Variants in LRRTM4 observed in about 807,000 individuals in gnomAD.
LRRTM4 encodes leucine rich repeat transmembrane neuronal 4.
Under a neutral mutation model 47.6 loss-of-function variants are expected in LRRTM4, and 25 were observed. The observed-to-expected ratio is 0.53, with a 90% CI of 0.38 to 0.73. LRRTM4 has a LOEUF of 0.73. LRRTM4 is among the 30% of genes least tolerant of loss of function. The pLI is 0.00. For synonymous variants in LRRTM4, 311 were observed against 269.5 expected, an observed-to-expected ratio of 1.15 and a Z score of -1.51; for missense variants, 638 against 713.4, an observed-to-expected ratio of 0.89 and a Z score of 1.20.
At position 76,956,932 on chromosome 2, in the gene LRRTM4, A is replaced by G. The variant is rs537947566; in HGVS notation, c.1552-208016T>C. Among the ~76,000 whole-genome samples the G allele has an allele frequency of 2.6e-5, 4 of 151,728 alleles. No homozygotes were observed. In the South Asian group the frequency reaches 8.3e-4, roughly 31 times the overall value. ...GACTTATAACTAGTAAGAAAGTTGA[A>G]TAAGTGATCAAAAACTTCCCAAAAA... is the stretch of plus-strand genomic sequence containing the variant. On this transcript the variant is annotated intron_variant, in intron 3 of 3. Coordinates refer to ENST00000409884, the MANE Select transcript of LRRTM4 (RefSeq NM_001134745.3).
chr2:77,427,565 C>T lies in LRRTM4; in HGVS notation c.1551+90753G>A, dbSNP rs563939936. 3.9e-5 allele frequency among the ~76,000 whole-genome samples: 6 copies of T among 152,192 alleles called. No individual in the cohort carries two copies. The South Asian group carries it at 8.3e-4, about 21-fold the overall frequency. The stretch of plus-strand genomic sequence containing the variant: ...ACTCTCATTTATTGATAGTTTGAAA[C>T]CAAGTTTTAGAGCAATATGAGTTTT... On this transcript the variant is annotated intron_variant, in intron 3 of 3. Transcript: ENST00000409884.
rs192749590 is a variant in LRRTM4 at position 77,302,523 on chromosome 2, T to G, written c.1551+215795A>C. On this transcript the variant is annotated intron_variant, in intron 3 of 3. Transcript: ENST00000409884. The stretch of plus-strand genomic sequence containing the variant: ...CACAGGGTTGCAAGTAAAAATATGC[T>G]TTAGCAGTGTTGTTTTGATAATTAA... 3.8e-3 allele frequency among the ~76,000 whole-genome samples: 584 copies of G among 152,324 alleles called. 1 individual carries two copies. Among genetic ancestry groups the G allele is most frequent in the African/African-American group, 0.013 (539 of 41,568 alleles).
At chr2:77,205,232 T>A (rs919541312) in intron 3 of LRRTM4, among the ~76,000 whole-genome samples, 1 of 152,220 alleles carries the variant, frequency 6.6e-6, no homozygotes, top group Non-Finnish European at 1.5e-5. Context: ...TTTTTAGTTT[T>A]GTTTTGTTTT....
intron 3 of LRRTM4, among the ~76,000 whole-genome samples, chr2:77,387,100 A>G (rs1424760113): frequency 2.0e-5 from 3 of 152,084 alleles, no homozygotes; most frequent in Non-Finnish European, 4.4e-5. Context: ...TACTTTCCCT[A>G]CCTATGCAAT....
intron 3 of LRRTM4, among the ~76,000 whole-genome samples, chr2:76,795,224 G>T (rs1558658047): frequency 7.0e-6 from 1 of 143,356 alleles, no homozygotes; most frequent in Non-Finnish European, 1.5e-5. Context: ...TTAAATTAAT[G>T]AAAAGTGTGT....
intron 3 of LRRTM4, among the ~76,000 whole-genome samples, chr2:76,885,365 A>G (rs1673040460): frequency 6.6e-6 from 1 of 151,916 alleles, no homozygotes; most frequent in African/African-American, 2.4e-5. Flanking sequence ...GCCTGCTAGC[A>G]TGTGCTCAAT....
At chr2:76,904,400 C>T (rs1013221696) in intron 3 of LRRTM4, among the ~76,000 whole-genome samples, 1 of 152,168 alleles carries the variant, frequency 6.6e-6, no homozygotes, top group African/African-American at 2.4e-5. Flanking sequence ...ATCCTTCCGA[C>T]TTGCTGGGGC....
chr2:76,769,115 T>C (rs1383253560), intron 3 of LRRTM4, among the ~76,000 whole-genome samples: 5 of 152,172 alleles, frequency 3.3e-5, no homozygotes, highest in Non-Finnish European at 7.4e-5. Context: ...ATAAAGAATG[T>C]ATTTCATTTC....
At chr2:77,381,794 C>G (rs1363007116) in intron 3 of LRRTM4, among the ~76,000 whole-genome samples, 1 of 151,958 alleles carries the variant, frequency 6.6e-6, no homozygotes. Flanking sequence ...GCTACACATA[C>G]ACATTTTATG....
intron 3 of LRRTM4, among the ~76,000 whole-genome samples, chr2:77,401,649 C>A (rs1252917605): frequency 6.6e-6 from 1 of 151,886 alleles, no homozygotes; most frequent in Non-Finnish European, 1.5e-5. Context: ...ATTAATGTTA[C>A]TTCAAATAGC....
chr2:77,187,058 T>G (rs981803448), intron 3 of LRRTM4, among the ~76,000 whole-genome samples: 2 of 152,178 alleles, frequency 1.3e-5, no homozygotes, highest in African/African-American at 2.4e-5. Context: ...TCTCATTTAC[T>G]GCACATGCAC....
At chr2:77,443,648 G>A (rs1675933195) in intron 3 of LRRTM4, among the ~76,000 whole-genome samples, 1 of 152,048 alleles carries the variant, frequency 6.6e-6, no homozygotes, top group African/African-American at 2.4e-5. Context: ...CATAGTATAT[G>A]AAGCATTTTT....
chr2:77,375,619 G>T (rs1672807857), intron 3 of LRRTM4, among the ~76,000 whole-genome samples: 1 of 151,542 alleles, frequency 6.6e-6, no homozygotes, highest in South Asian at 2.1e-4. Context: ...CCCCTTGCAA[G>T]CACCATTCTA....
chr2:77,496,565 G>C (rs1338340025), intron 3 of LRRTM4, among the ~76,000 whole-genome samples: 1 of 151,758 alleles, frequency 6.6e-6, no homozygotes, highest in African/African-American at 2.4e-5. Flanking sequence ...CGCTTTGTCT[G>C]CTTGTACTGA....
At chr2:77,369,874 A>AT (rs1672599005) in intron 3 of LRRTM4, among the ~76,000 whole-genome samples, 1 of 151,754 alleles carries the variant, frequency 6.6e-6, no homozygotes, top group African/African-American at 2.4e-5. Flanking sequence ...ATATCTAAAC[A>AT]TAGAAAAGGT....
intron 3 of LRRTM4, among the ~76,000 whole-genome samples, chr2:77,079,460 C>CA (rs1451067092): frequency 3.9e-5 from 6 of 152,084 alleles, no homozygotes; most frequent in African/African-American, 1.4e-4. Context: ...AGCTTGTGGC[C>CA]AAGGACACTT....
In LRRTM4 at chr2:77,034,866, C is replaced by G. The variant is rs1678781480; in HGVS notation, c.1552-285950G>C. Reference sequence around the variant, plus strand: ...TTTTCACTTATTCTTAGAAATTATTCTATAAAGAGAAGATTTCATTTATCT... The same window carrying G: ...TTTTCACTTATTCTTAGAAATTATTGTATAAAGAGAAGATTTCATTTATCT... On this transcript the variant is annotated intron_variant, in intron 3 of 3. Coordinates refer to ENST00000409884, the MANE Select transcript of LRRTM4 (RefSeq NM_001134745.3). Among the ~76,000 whole-genome samples, 4 of 151,848 alleles carry G rather than the reference C, an allele frequency of 2.6e-5. No homozygotes were observed. In the South Asian group the frequency reaches 8.3e-4, roughly 32 times the overall value.
intron 3 of LRRTM4, among the ~76,000 whole-genome samples, chr2:77,155,113 T>C (rs1256389476): frequency 1.3e-5 from 2 of 152,088 alleles, no homozygotes; most frequent in African/African-American, 4.8e-5. Context: ...TTTAAAAAAA[T>C]AAACAGTTGC....
intron 3 of LRRTM4, among the ~76,000 whole-genome samples, chr2:77,021,074 T>C (rs1558802252): frequency 6.6e-6 from 1 of 151,406 alleles, no homozygotes; most frequent in African/African-American, 2.4e-5. Flanking sequence ...CTAAAGGAAC[T>C]GCAGGCAAGA....
Sources: allele counts gnomAD v4.1 joint callset (sites outside exome capture counted in the v4.1 genomes callset), GRCh38; gene constraint gnomAD v4.1.1; transcripts MANE v1.5; gene names NCBI Gene and HGNC (gene_info 2026-07-23, HGNC 2026-07-21).